CRLF3: variants seen among roughly 807,000 people sequenced by gnomAD.
CRLF3 encodes cytokine receptor-like factor 3.
A neutral mutation model predicts 55.0 loss-of-function variants in CRLF3; 33 were observed. That is an observed-to-expected ratio of 0.60 (90% confidence interval 0.46 to 0.80). CRLF3 has a LOEUF of 0.80. Among genes scored for constraint, CRLF3 ranks in the 30% least tolerant of loss-of-function variants. CRLF3 has a pLI of 0.00. For missense variants in CRLF3, 494 were observed against 538.4 expected, an observed-to-expected ratio of 0.92 and a Z score of 0.82; for synonymous variants, 238 against 196.8, an observed-to-expected ratio of 1.21 and a Z score of -1.75.
At chr17:30,793,801 T>C (rs759839069) in intron 4 of CRLF3, 129 bp from the exon 5 acceptor site, 4 of 623,910 alleles carry the variant, frequency 6.4e-6, no homozygotes, top group Non-Finnish European at 1.1e-5. Flanking sequence ...TGGGGTATTC[T>C]TGGGAAGGCC....
chr17:30,806,539 T>C (rs1904408811), intron 1 of CRLF3, among the ~76,000 whole-genome samples: 1 of 152,164 alleles, frequency 6.6e-6, no homozygotes, highest in Non-Finnish European at 1.5e-5. Context: ...TTGAGAAACA[T>C]TGCCCTAAAT....
rs534573038 is a variant in CRLF3 at position 30,791,758 on chromosome 17, C to T, written c.959+682G>A. On this transcript the variant is annotated intron_variant, in intron 6 of 7. Coordinates refer to ENST00000324238, the MANE Select transcript of CRLF3 (RefSeq NM_015986.4). ...TTCTCAATCTCCTGACCTCGTGATC[C>T]GCCCGCCTCAGCCTCCCAAAGTGCT... Among the ~76,000 whole-genome samples the T allele has an allele frequency of 3.0e-3, 456 of 151,486 alleles. 3 individuals carry two copies. Among genetic ancestry groups the T allele is most frequent in the South Asian group, 5.0e-3 (24 of 4,774 alleles).
chr17:30,823,118 C>T (rs1175447135), intron 1 of CRLF3, among the ~76,000 whole-genome samples: 3 of 152,018 alleles, frequency 2.0e-5, no homozygotes, highest in Non-Finnish European at 4.4e-5. Flanking sequence ...TATCCCAGCA[C>T]TTTGGGAGGC....
intron 4 of CRLF3, 37 bp downstream of exon 4, chr17:30,796,123 A>G (rs769454749): frequency 6.7e-7 from 1 of 1,491,660 alleles, no homozygotes; most frequent in East Asian, 2.3e-5. Context: ...GCAAACCCAT[A>G]ATGTGGAAGT....
At position 30,805,728 on chromosome 17, in the gene CRLF3, A is replaced by C. The variant is rs561225669; in HGVS notation, c.130-1620T>G. 3.5e-3 allele frequency among the ~76,000 whole-genome samples: 528 copies of C among 152,032 alleles called. 4 individuals are homozygous for C. Among genetic ancestry groups the C allele is most frequent in the African/African-American group, 0.011 (458 of 41,474 alleles). ...GACTCCGTCTCAAAAAAAAAAAAAA[A>C]AAAGCAAGCCATGGTCAGGTGCAGT... On this transcript the variant is annotated intron_variant, in intron 1 of 7. Coordinates refer to ENST00000324238, the MANE Select transcript of CRLF3 (RefSeq NM_015986.4).
At chr17:30,819,086 G>A (rs1904907193) in intron 1 of CRLF3, among the ~76,000 whole-genome samples, 1 of 152,098 alleles carries the variant, frequency 6.6e-6, no homozygotes, top group African/African-American at 2.4e-5. Context: ...CAAAGTGCTG[G>A]GATTACAGGC....
At chr17:30,796,803 A>G (rs1971925280) in intron 3 of CRLF3, among the ~76,000 whole-genome samples, 1 of 150,388 alleles carries the variant, frequency 6.6e-6, no homozygotes, top group Non-Finnish European at 1.5e-5. Context: ...AGCTCACTGC[A>G]ACCTCCACCT....
intron 1 of CRLF3, among the ~76,000 whole-genome samples, chr17:30,807,378 TA>T (rs757236532): frequency 2.6e-5 from 4 of 151,978 alleles, no homozygotes; most frequent in African/African-American, 7.2e-5. Context: ...TCTCTAAATT[TA>T]AAAAGCAGAA....
At chr17:30,822,368 TAG>T (rs1905024725) in intron 1 of CRLF3, among the ~76,000 whole-genome samples, 4 of 152,140 alleles carry the variant, frequency 2.6e-5, no homozygotes, top group African/African-American at 9.7e-5. Context: ...CACAATCCAC[TAG>T]AGTTAGCTTC....
At position 30,797,288 on chromosome 17, in the gene CRLF3, C is replaced by G. The variant is rs537084772; in HGVS notation, c.425+23G>C. 1.1e-5 allele frequency: 17 copies of G among 1,565,922 alleles called. No individual in the cohort carries two copies. In the South Asian group the frequency reaches 1.3e-4, roughly 12 times the overall value. ...ATAGTTTAAATGCTTAAAAGTAAGT[C>G]AAAAAGGCACAAACTCTTTTACCTG... On this transcript the variant is annotated intron_variant, in intron 3 of 7. Coordinates refer to ENST00000324238, the MANE Select transcript of CRLF3 (RefSeq NM_015986.4).
In CRLF3 at chr17:30,784,148, A is replaced by G. The variant is rs376592166; in HGVS notation, c.*39T>C. The G allele has an allele frequency of 2.7e-4, 426 of 1,590,622 alleles. No individual in the cohort carries two copies. Among genetic ancestry groups the G allele is most frequent in the Non-Finnish European group, 3.6e-4 (415 of 1,166,402 alleles). On this transcript the variant is annotated 3_prime_UTR_variant, in exon 8 of 8. Coordinates refer to ENST00000324238, the MANE Select transcript of CRLF3 (RefSeq NM_015986.4). ...CAACTACGCTGGGCTGAGGACAGCT[A>G]CGTTAGACCCTGAAAACCAAAGCCA...
chr17:30,795,441 A>T (rs1971898919), intron 4 of CRLF3, among the ~76,000 whole-genome samples: 1 of 150,954 alleles, frequency 6.6e-6, no homozygotes, highest in Admixed American at 6.6e-5. Flanking sequence ...GGTTGTGGTG[A>T]GCCAAGATCG....
At position 30,824,556 on chromosome 17, in the gene CRLF3, G is replaced by C. The variant is rs1168127072; in HGVS notation, c.96C>G (p.His32Gln). ...GCGCCTCACGCAGCCCCTCAAGCCG[G>C]TGACCCAGCTCCCGCCGGTAGCTCT... Reference protein sequence around the residue: ...AAQSYRRELGHRLEGLREARR... With the variant: ...AAQSYRRELGQRLEGLREARR... The change falls in exon 1 of 8, where the codon CAC becomes CAG. Residue 32 changes from histidine to glutamine, a missense_variant. By Grantham distance (24) the His-to-Gln change is conservative. Coordinates refer to ENST00000324238, the MANE Select transcript of CRLF3 (RefSeq NM_015986.4). 1.2e-6 allele frequency: 2 copies of C among 1,600,696 alleles called. No individual in the cohort carries two copies. The highest frequency in any genetic ancestry group is 1.7e-6 in the Non-Finnish European group (2 of 1,177,812).
intron 6 of CRLF3, chr17:30,786,271 GCT>G (rs1401847136): frequency 3.0e-6 from 1 of 329,330 alleles, no homozygotes; most frequent in African/African-American, 2.2e-5. Context: ...ACGGAGTCTC[GCT>G]CTGTCACCCA....
intron 5 of CRLF3, 75 bp downstream of exon 5, chr17:30,793,375 G>C: frequency 8.9e-7 from 1 of 1,118,490 alleles, no homozygotes. Context: ...GGTTGTCAGT[G>C]TGCTGCCCTT....
intron 6 of CRLF3, among the ~76,000 whole-genome samples, chr17:30,792,174 A>G (rs1971816634): frequency 6.6e-6 from 1 of 152,014 alleles, no homozygotes; most frequent in African/African-American, 2.4e-5. Context: ...GAGATACTCT[A>G]CTTACCTCTA....
At chr17:30,797,077 G>C (rs1394106866) in intron 3 of CRLF3, among the ~76,000 whole-genome samples, 5 of 151,978 alleles carry the variant, frequency 3.3e-5, no homozygotes, top group Non-Finnish European at 7.4e-5. Flanking sequence ...TTTTAGTAGA[G>C]ACAGGGTTTC....
chr17:30,797,264 T>A, intron 3 of CRLF3, 47 bp downstream of exon 3: 1 of 1,271,132 alleles, frequency 7.9e-7, no homozygotes. Context: ...AAAGCAGACA[T>A]AGTTTAAATG....
At chr17:30,802,856 T>A (rs1200159119) in intron 2 of CRLF3, among the ~76,000 whole-genome samples, 1 of 151,982 alleles carries the variant, frequency 6.6e-6, no homozygotes, top group Non-Finnish European at 1.5e-5. Context: ...CACATTTTTT[T>A]AAACTTTCTA....
Sources: gnomAD v4.1 joint callset for allele counts (sites outside exome capture counted in the v4.1 genomes callset) on GRCh38, gnomAD v4.1.1 for gene constraint, MANE v1.5 for transcripts, NCBI Gene and HGNC (gene_info 2026-07-23, HGNC 2026-07-21) for gene names.